The following MARK2 variants were observed in gnomAD, a reference collection of about 807,000 sequenced individuals.
MARK2 encodes microtubule affinity regulating kinase 2.
A neutral mutation model predicts 89.8 loss-of-function variants in MARK2; 16 were observed. That is an observed-to-expected ratio of 0.18 (90% CI 0.12 to 0.27). MARK2 has a LOEUF of 0.27. MARK2 is among the 10% of genes least tolerant of loss of function. The probability of loss-of-function intolerance (pLI) is 1.00; values close to 1 mark genes in which losing one functional copy is unlikely to be tolerated. For missense variants in MARK2, 621 were observed against 1,049.9 expected, an observed-to-expected ratio of 0.59 and a Z score of 5.65; for synonymous variants, 382 against 399.5, an observed-to-expected ratio of 0.96 and a Z score of 0.52.
At chr11:63,897,087 T>C (rs1260695569) in intron 3 of MARK2, among the ~76,000 whole-genome samples, 2 of 152,106 alleles carry the variant, frequency 1.3e-5, no homozygotes, top group Admixed American at 6.5e-5. Flanking sequence ...AAAATGAACA[T>C]TGAAGAAGCT....
At chr11:63,905,151 T>C in intron 16 of MARK2, 108 bp downstream of exon 16, 7 of 1,296,722 alleles carry the variant, frequency 5.4e-6, no homozygotes, top group East Asian at 2.4e-5. Flanking sequence ...TGTACCGGTA[T>C]TGGGTCCTGG....
At chr11:63,889,056 C>A in intron 1 of MARK2, 2 of 991,638 alleles carry the variant, frequency 2.0e-6, no homozygotes, top group Non-Finnish European at 2.8e-6. Flanking sequence ...TGCTAAGGGG[C>A]GCCCTGCCTG....
chr11:63,862,296 A>T (rs1937851417), intron 1 of MARK2, among the ~76,000 whole-genome samples: 1 of 152,182 alleles, frequency 6.6e-6, no homozygotes, highest in Non-Finnish European at 1.5e-5. Flanking sequence ...GAAATGTTGA[A>T]TAACTTGTTT....
Position 63,902,658 on chromosome 11 carries a change from A to G in MARK2, c.1292A>G (p.Asn431Ser), listed in dbSNP as rs1940992508. The change falls in exon 13 of 19, where the codon AAC (asparagine) becomes AGC (serine). Residue 431 changes from asparagine (N) to serine (S), a missense_variant. Physicochemically the swap from Asn to Ser is conservative, Grantham distance 46. Around this residue, in one of 5 missense-constraint regions of MARK2, gnomAD observed 397 missense variants for 567.8 expected, o/e 0.70. Coordinates refer to ENST00000402010, the MANE Select transcript of MARK2 (RefSeq NM_001039469.3). The surrounding 1 kb of genome is among the most constrained non-coding windows in gnomAD (Gnocchi z 4.2). Reference protein sequence around the residue: ...NSYSKKTQSNNAENKRPEEDR... With the variant: ...NSYSKKTQSNSAENKRPEEDR... ...TACTCTAAGAAGACTCAGAGTAACAACGCAGAAAATAAGCGGCCTGAGGAG... is the reference window on the plus strand; with the variant it reads ...TACTCTAAGAAGACTCAGAGTAACAGCGCAGAAAATAAGCGGCCTGAGGAG... 2 of 1,614,002 alleles carry G rather than the reference A, an allele frequency of 1.2e-6. No homozygotes were observed. The highest frequency in any genetic ancestry group is 1.7e-6 in the Non-Finnish European group (2 of 1,180,020).
At chr11:63,908,054 C>T (rs1334930069) in intron 17 of MARK2, among the ~76,000 whole-genome samples, 4 of 152,238 alleles carry the variant, frequency 2.6e-5, no homozygotes, top group African/African-American at 9.6e-5. Context: ...ATGTGCTGGG[C>T]TCCCTGCTGG....
At position 63,906,108 on chromosome 11, in the gene MARK2, C is replaced by T; in HGVS notation, c.1955C>T (p.Ala652Val). Residue 652 changes from alanine (A) to valine (V), a missense_variant, in exon 17 of 19, where the codon GCC (alanine) becomes GTC (valine). Transcript: ENST00000402010. The stretch of plus-strand genomic sequence containing the variant: ...TTTAGAAATCTGTCTTTCAGGTTTG[C>T]CAGAAGGTAGGCGTTGAGCCCGCTG... ...FVRRNLSFRF[A>V]RRNLNEPESK... The T allele has an allele frequency of 1.5e-6, 2 of 1,335,888 alleles. No individual in the cohort carries two copies. Among genetic ancestry groups the T allele is most frequent in the South Asian group, 2.3e-5 (1 of 43,228 alleles). 82.8% of individuals were successfully genotyped at this position (1,335,888 alleles called of 1,614,324 possible).
intron 1 of MARK2, among the ~76,000 whole-genome samples, chr11:63,856,159 G>T (rs2016825371): frequency 6.6e-6 from 1 of 152,086 alleles, no homozygotes; most frequent in South Asian, 2.1e-4. Flanking sequence ...CCCAGCCCCA[G>T]TATAATCCCT....
At chr11:63,880,758 ATT>A (rs1939037914) in intron 1 of MARK2, among the ~76,000 whole-genome samples, 1 of 152,150 alleles carries the variant, frequency 6.6e-6, no homozygotes, top group South Asian at 2.1e-4. Flanking sequence ...CTGTGCCTAT[ATT>A]CTGAGTCTGT....
In MARK2 at chr11:63,910,981, C is replaced by G. The variant is rs1006191355; in HGVS notation, c.*1744C>G. The stretch of plus-strand genomic sequence containing the variant: ...CCCAACCCTGCACTTAGTTTCTCCT[C>G]TGGATCAAACACGTAATAAAGAGAA... On this transcript the variant is annotated 3_prime_UTR_variant, in exon 19 of 19. Transcript: ENST00000402010. 21 of 152,344 alleles carry G rather than the reference C, an allele frequency of 1.4e-4. No individual in the cohort carries two copies. The highest frequency in any genetic ancestry group is 1.2e-3 in the Admixed American group (19 of 15,292). The allele number at this position is 152,344 out of a possible 1,614,324, so 9.4% of individuals were successfully genotyped here.
chr11:63,889,743 C>A (rs1237320341), intron 1 of MARK2, among the ~76,000 whole-genome samples: 1 of 152,266 alleles, frequency 6.6e-6, no homozygotes, highest in Non-Finnish European at 1.5e-5. Flanking sequence ...ACTTGGTTTG[C>A]CTTTTGGTTC....
In MARK2 at chr11:63,839,262, A is replaced by G; in HGVS notation, c.-245A>G. Reference sequence around the variant, plus strand: ...GGCGGAGCGGCGCGGCCCGGCCGAAAGGCGGCACAGCCCAGCCGGGGGTCG... The same window carrying G: ...GGCGGAGCGGCGCGGCCCGGCCGAAGGGCGGCACAGCCCAGCCGGGGGTCG... On this transcript the variant is annotated 5_prime_UTR_variant, in exon 1 of 19. Coordinates refer to ENST00000402010, the MANE Select transcript of MARK2 (RefSeq NM_001039469.3). 3.6e-6 allele frequency: 1 copy of G among 280,140 alleles called. No individual in the cohort carries two copies. The allele number at this position is 280,140 out of a possible 1,614,324, so 17.4% of individuals were successfully genotyped here. A position where few individuals can be genotyped will look rare whatever the true frequency, so the allele number is the denominator to read the frequency against.
Position 63,857,235 on chromosome 11 carries a change from T to A in MARK2, c.54+17675T>A, listed in dbSNP as rs142144929. The stretch of plus-strand genomic sequence containing the variant: ...AGGGTGGAGTGTGGTGGCACGATGT[T>A]GGCTCACTGCAACTTCCACCTCCCA... On this transcript the variant is annotated intron_variant, in intron 1 of 18. Coordinates refer to ENST00000402010, the MANE Select transcript of MARK2 (RefSeq NM_001039469.3). 6.3e-3 allele frequency among the ~76,000 whole-genome samples: 955 copies of A among 152,228 alleles called. 16 individuals carry two copies. Among genetic ancestry groups the A allele is most frequent in the African/African-American group, 0.022 (915 of 41,528 alleles).
At chr11:63,905,109 T>A in intron 16 of MARK2, 66 bp downstream of exon 16, 1 of 1,004,314 alleles carries the variant, frequency 1.0e-6, no homozygotes, top group Non-Finnish European at 1.5e-6. Flanking sequence ...TCGGGGTGGG[T>A]TGGGGGTTGG....
In MARK2 at chr11:63,900,740, GTTTC is replaced by G. The variant is rs755463876; in HGVS notation, c.889-37_889-34del. 2 of 1,613,888 alleles carry G rather than the reference GTTTC, an allele frequency of 1.2e-6. No individual in the cohort carries two copies. Among genetic ancestry groups the G allele is most frequent in the Non-Finnish European group, 1.7e-6 (2 of 1,179,758 alleles). On this transcript the variant is annotated intron_variant, in intron 9 of 18. Coordinates refer to ENST00000402010, the MANE Select transcript of MARK2 (RefSeq NM_001039469.3). This position sits in a 1 kb window ranked among gnomAD's most constrained non-coding sequence, Gnocchi z 4.7. ...GTCCCCACAGAAACTTTCCAGCTGA[GTTTC>G]TTCCCCCTGCCCTTTTCCTTCTCTG...
At chr11:63,885,842 AAAG>A (rs1382478484) in intron 1 of MARK2, among the ~76,000 whole-genome samples, 2 of 150,536 alleles carry the variant, frequency 1.3e-5, no homozygotes, top group African/African-American at 2.4e-5. Flanking sequence ...TCAAAAAAAA[AAAG>A]AGGCCGGGTG....
intron 1 of MARK2, among the ~76,000 whole-genome samples, chr11:63,880,599 A>G (rs1385255568): frequency 6.6e-6 from 1 of 152,248 alleles, no homozygotes; most frequent in Non-Finnish European, 1.5e-5. Context: ...AACTAAATGT[A>G]GAGAGGCAGA....
chr11:63,841,756 A>G (rs1338449226), intron 1 of MARK2, among the ~76,000 whole-genome samples: 1 of 152,260 alleles, frequency 6.6e-6, no homozygotes, highest in Non-Finnish European at 1.5e-5. Flanking sequence ...TCAGCAGAGC[A>G]GAGTAACAGA....
chr11:63,900,183 C>A lies in MARK2; in HGVS notation c.768+73C>A. 1 of 1,132,192 alleles carries A rather than the reference C, an allele frequency of 8.8e-7. No homozygotes were observed. The highest frequency in any genetic ancestry group is 1.3e-6 in the Non-Finnish European group (1 of 754,092). 70.1% of individuals were successfully genotyped at this position (1,132,192 alleles called of 1,614,324 possible). ...TCTGGTCTTAGCCCTGACCTCCTGC[C>A]TTTGCCACCTGTCTACATTTGTCCC... On this transcript the variant is annotated intron_variant, in intron 8 of 18. Transcript: ENST00000402010. The surrounding 1 kb of genome is among the most constrained non-coding windows in gnomAD (Gnocchi z 4.7).
intron 1 of MARK2, among the ~76,000 whole-genome samples, chr11:63,881,151 AC>A (rs945765038): frequency 2.0e-5 from 3 of 151,688 alleles, no homozygotes; most frequent in African/African-American, 7.3e-5. Context: ...AAAAAAAAAA[AC>A]AAATTAGCCA....
Sources: gnomAD v4.1 joint callset for allele counts (sites outside exome capture counted in the v4.1 genomes callset) on GRCh38, gnomAD v4.1.1 for gene constraint, gnomAD v4.1.1 regional missense constraint, Gnocchi (gnomAD v3.1) non-coding constraint, MANE v1.5 for transcripts, NCBI Gene and HGNC (gene_info 2026-07-23, HGNC 2026-07-21) for gene names.